The following KCTD1 variants were observed in gnomAD, a reference collection of about 807,000 sequenced individuals.
The protein encoded by KCTD1 is potassium channel tetramerization domain containing 1.
A neutral mutation model predicts 66.0 loss-of-function variants in KCTD1; 24 were observed. The observed-to-expected ratio is 0.36, with a 90% CI of 0.26 to 0.51. The LOEUF is 0.51. Ranked by LOEUF, KCTD1 falls within the 20% of genes least tolerant of loss-of-function variation. The pLI, the probability that KCTD1 is intolerant of heterozygous loss-of-function variation, is 0.95. For synonymous variants in KCTD1, 511 were observed against 517.2 expected (o/e 0.99, Z 0.16); for missense variants, 943 against 1,205.2 (o/e 0.78, Z 3.22).
chr18:26,550,888 G>A (rs1985539396), upstream of KCTD1, among the ~76,000 whole-genome samples: 1 of 152,218 alleles, frequency 6.6e-6, no homozygotes, highest in Non-Finnish European at 1.5e-5. This position sits in a 1 kb window ranked among gnomAD's most constrained non-coding sequence, Gnocchi z 5.4. Flanking sequence ...GCCGCGGTGC[G>A]GAGAACTCAG....
intron 1 of KCTD1, among the ~76,000 whole-genome samples, chr18:26,648,448 T>G (rs1987969659): frequency 6.6e-6 from 1 of 152,230 alleles, no homozygotes; most frequent in Non-Finnish European, 1.5e-5. Context: ...CTGTAGCATT[T>G]AAATAGATTG....
chr18:26,592,924 G>T (rs1434895953), intron 1 of KCTD1, among the ~76,000 whole-genome samples: 1 of 152,116 alleles, frequency 6.6e-6, no homozygotes, highest in Non-Finnish European at 1.5e-5. Context: ...ATAGTATTTT[G>T]CAGGATTGTA....
chr18:26,455,969 A>G lies in KCTD1; in HGVS notation c.2440-68T>C, dbSNP rs1003640283. ...GTCCTATGGCTACATAAACACCCCAAAGTTTGAGATTATGCGCACTCTGGT... is the reference window on the plus strand; with the variant it reads ...GTCCTATGGCTACATAAACACCCCAGAGTTTGAGATTATGCGCACTCTGGT... On this transcript the variant is annotated intron_variant, in intron 4 of 4. Transcript: ENST00000580059. 50 of 1,500,134 alleles carry G rather than the reference A, an allele frequency of 3.3e-5. No individual in the cohort carries two copies. In the African/African-American group the frequency reaches 5.7e-4, roughly 17 times the overall value. 92.9% of individuals were successfully genotyped at this position (1,500,134 alleles called of 1,614,324 possible).
intron 1 of KCTD1, chr18:26,599,596 G>T (rs1056037453): frequency 2.7e-6 from 4 of 1,496,134 alleles, no homozygotes; most frequent in Non-Finnish European, 3.7e-6. Flanking sequence ...ACATTATTTT[G>T]TCGGGTTTAG....
chr18:26,610,244 T>A (rs1011752574), intron 1 of KCTD1, among the ~76,000 whole-genome samples: 1 of 152,164 alleles, frequency 6.6e-6, no homozygotes, highest in African/African-American at 2.4e-5. Flanking sequence ...AAATTTTTCC[T>A]TATGAATAAA....
At chr18:26,493,846 C>A (rs1464676926) in intron 2 of KCTD1, among the ~76,000 whole-genome samples, 2 of 152,206 alleles carry the variant, frequency 1.3e-5, no homozygotes, top group Non-Finnish European at 2.9e-5. Flanking sequence ...CTCTTCCCCT[C>A]CACCCCCAGC....
In KCTD1 at chr18:26,605,766, ATC is replaced by A. The variant is rs1428753702; in HGVS notation, c.-16+23379_-16+23380del. Among the ~76,000 whole-genome samples the A allele has an allele frequency of 8.8e-4, 122 of 138,588 alleles. 2 individuals are homozygous for A. Among genetic ancestry groups the A allele is most frequent in the Admixed American group, 2.6e-3 (31 of 12,124 alleles). The allele number at this position is 138,588 out of a possible 152,430, so 90.9% of individuals were successfully genotyped here. Reference sequence around the variant, plus strand: ...TATCTATCTATCTATCTATCTATCTATCTATATTACATCTTAGTAACTGTGGT... The same window carrying A: ...TATCTATCTATCTATCTATCTATCTATATATTACATCTTAGTAACTGTGGT... On this transcript the variant is annotated intron_variant, in intron 1 of 4. Transcript: ENST00000317932.
At chr18:26,614,273 C>A (rs1987199466) in intron 1 of KCTD1, among the ~76,000 whole-genome samples, 2 of 152,228 alleles carry the variant, frequency 1.3e-5, no homozygotes, top group Admixed American at 1.3e-4. Context: ...TTGCTGATTT[C>A]TTCTCTGTGC....
At chr18:26,601,034 C>T (rs1986883053) in intron 1 of KCTD1, among the ~76,000 whole-genome samples, 1 of 151,982 alleles carries the variant, frequency 6.6e-6, no homozygotes, top group African/African-American at 2.4e-5. Context: ...GATAGTCATC[C>T]ATGCTCAGTT....
intron 2 of KCTD1, among the ~76,000 whole-genome samples, chr18:26,481,808 C>A (rs1009651440): frequency 6.6e-6 from 1 of 152,138 alleles, no homozygotes; most frequent in Non-Finnish European, 1.5e-5. Flanking sequence ...GGGCCCCCAT[C>A]CCCAGCTATT....
Position 26,548,183 on chromosome 18 carries a change from C to G in KCTD1, c.354G>C (p.Glu118Asp). Residue 118 changes from glutamate (E) to aspartate (D), a missense_variant, in exon 1 of 5, where the codon GAG becomes GAC. Transcript: ENST00000580059. ...GGTCCATATTGATCATATGGACCGG[C>G]TCGGGCTCCAGCTCCTCCCCGGCCG... ...EDSAGEELEPEPVHMINMDQS... is the reference protein window; with the variant it reads ...EDSAGEELEPDPVHMINMDQS... 6.7e-7 allele frequency: 1 copy of G among 1,497,784 alleles called. No individual in the cohort carries two copies. The highest frequency in any genetic ancestry group is 1.3e-5 in the South Asian group (1 of 78,886). 92.8% of individuals were successfully genotyped at this position (1,497,784 alleles called of 1,614,324 possible).
intron 1 of KCTD1, among the ~76,000 whole-genome samples, chr18:26,557,208 C>A (rs1985727406): frequency 6.6e-6 from 1 of 152,186 alleles, no homozygotes; most frequent in Admixed American, 6.5e-5. Context: ...GTTAGTTGAA[C>A]TGTCAGAGTT....
intron 2 of KCTD1, among the ~76,000 whole-genome samples, chr18:26,488,359 CAGTGGGAT>C (rs1480744813): frequency 2.0e-5 from 3 of 151,998 alleles, no homozygotes; most frequent in Non-Finnish European, 4.4e-5. Context: ...GATTACAGAT[CAGTGGGAT>C]ATACTTAAAA....
At chr18:26,647,341 C>CCCA (rs1555649515) in intron 1 of KCTD1, among the ~76,000 whole-genome samples, 6 of 109,722 alleles carry the variant, frequency 5.5e-5, no homozygotes, top group African/African-American at 1.1e-4. Context: ...ACCCCCCCCC[C>CCCA]ATCTCTACTA....
intron 1 of KCTD1, among the ~76,000 whole-genome samples, chr18:26,634,923 AG>A (rs1480792522): frequency 2.6e-5 from 4 of 152,236 alleles, no homozygotes; most frequent in African/African-American, 9.6e-5. Flanking sequence ...CTCTAGCAGA[AG>A]TGAGTGAGGC....
chr18:26,649,614 T>C (rs1987991460), intron 1 of KCTD1, among the ~76,000 whole-genome samples: 2 of 152,262 alleles, frequency 1.3e-5, no homozygotes, highest in South Asian at 4.1e-4. Flanking sequence ...GTTCAAGCGA[T>C]TCTTCTGCCC....
chr18:26,620,171 C>T (rs777954644), intron 1 of KCTD1, among the ~76,000 whole-genome samples: 3 of 151,884 alleles, frequency 2.0e-5, no homozygotes, highest in Non-Finnish European at 4.4e-5. Context: ...AATGTAGACA[C>T]TAAGATTCTG....
chr18:26,649,406 C>T (rs182657054), intron 1 of KCTD1, among the ~76,000 whole-genome samples: 2 of 152,270 alleles, frequency 1.3e-5, no homozygotes, highest in East Asian at 3.9e-4. Flanking sequence ...CCTCCCTGCC[C>T]CACAGCCCAG....
Position 26,518,776 on chromosome 18 carries a change from C to T in KCTD1, c.1810-17526G>A, listed in dbSNP as rs189972792. 1.1e-3 allele frequency among the ~76,000 whole-genome samples: 175 copies of T among 152,244 alleles called. 3 individuals are homozygous for T. The highest frequency in any genetic ancestry group is 3.8e-3 in the African/African-American group (158 of 41,554). ...CAGGCTGGTCTCAAACTCCTGGCCT[C>T]AAGTGATCCTCCCACTTCAGCCTCC... On this transcript the variant is annotated intron_variant, in intron 1 of 4. Transcript: ENST00000580059.
Sources: gnomAD v4.1 joint callset for allele counts (sites outside exome capture counted in the v4.1 genomes callset) on GRCh38, gnomAD v4.1.1 for gene constraint, Gnocchi (gnomAD v3.1) non-coding constraint, MANE v1.5 for transcripts, NCBI Gene and HGNC (gene_info 2026-07-23, HGNC 2026-07-21) for gene names.